PCDHGC5: variants seen among roughly 807,000 people sequenced by gnomAD.
PCDHGC5 encodes the protein protocadherin gamma-C5.
Under a neutral mutation model 59.0 loss-of-function variants are expected in PCDHGC5, and 25 were observed. The observed-to-expected ratio is 0.42, with a 90% CI of 0.31 to 0.59. The LOEUF (loss-of-function observed/expected upper bound fraction) is 0.59, where lower values mean the gene tolerates loss of function less well. PCDHGC5 is among the 20% of genes least tolerant of loss of function. The pLI, the probability that PCDHGC5 is intolerant of heterozygous loss-of-function variation, is 0.13. For missense variants in PCDHGC5, 1,067 were observed against 1,206.4 expected (o/e 0.88, Z 1.71); for synonymous variants, 434 against 505.5 (o/e 0.86, Z 1.90).
chr5:141,501,326 CA>C (rs1562200763), intron 2 of PCDHGC5, among the ~76,000 whole-genome samples: 18 of 151,784 alleles, frequency 1.2e-4, no homozygotes, highest in African/African-American at 1.9e-4. Flanking sequence ...CACACACACA[CA>C]CACACACCCC....
chr5:141,505,590 A>G, intron 3 of PCDHGC5, 109 bp downstream of exon 3: 1 of 1,571,996 alleles, frequency 6.4e-7, no homozygotes, highest in East Asian at 2.3e-5. Context: ...TAGTTTCTCC[A>G]GATCTTTCGG....
At chr5:141,498,581 C>A (rs1281809549) in intron 2 of PCDHGC5, among the ~76,000 whole-genome samples, 1 of 152,104 alleles carries the variant, frequency 6.6e-6, no homozygotes, top group East Asian at 1.9e-4. Flanking sequence ...GTATTGAGTT[C>A]TTCAGTAAAC....
rs77983663 is a variant in PCDHGC5, at chr5:141,504,853, C to T, written c.2520-540C>T. 2.8e-4 allele frequency among the ~76,000 whole-genome samples: 42 copies of T among 152,214 alleles called. No homozygotes were observed. In the East Asian group the frequency reaches 7.7e-3, roughly 28 times the overall value. On this transcript the variant is annotated intron_variant, in intron 2 of 3. Transcript: ENST00000252087. ...TTCTCTAGCTCTGGAACATTCTCTT[C>T]CATTTCCCACCTTCACAGTCCTCTG... is the stretch of plus-strand genomic sequence containing the variant.
rs1175280816 is a variant in PCDHGC5 at position 141,511,121 on chromosome 5, C to T, written c.2783C>T (p.Pro928Leu). 2 of 1,614,102 alleles carry T rather than the reference C, an allele frequency of 1.2e-6. No homozygotes were observed. Among genetic ancestry groups the T allele is most frequent in the African/African-American group, 1.3e-5 (1 of 74,938 alleles). Residue 928 changes from proline (P) to leucine (L), a missense_variant, in exon 4 of 4, where the codon CCA becomes CTA. Transcript: ENST00000252087. ...GCTGGCAAGCGGGATGGCAAGGCCCCAGCAGGTGGCAATGGCAACAAGAAG... is the reference window on the plus strand; with the variant it reads ...GCTGGCAAGCGGGATGGCAAGGCCCTAGCAGGTGGCAATGGCAACAAGAAG... ...NAAGKRDGKA[P>L]AGGNGNKKKS...
intron 3 of PCDHGC5, among the ~76,000 whole-genome samples, chr5:141,506,866 T>C (rs1182560001): frequency 2.6e-5 from 4 of 152,104 alleles, no homozygotes; most frequent in Admixed American, 2.6e-4. Context: ...GACTGGTGGG[T>C]AGAGAACCAG....
At position 141,491,856 on chromosome 5, in the gene PCDHGC5, C is replaced by T; in HGVS notation, c.2460+156C>T. 1.4e-6 allele frequency: 2 copies of T among 1,458,728 alleles called. No individual in the cohort carries two copies. Among genetic ancestry groups the T allele is most frequent in the Non-Finnish European group, 1.8e-6 (2 of 1,103,072 alleles). 90.4% of individuals were successfully genotyped at this position (1,458,728 alleles called of 1,614,324 possible). A position where few individuals can be genotyped will look rare whatever the true frequency, so the allele number is the denominator to read the frequency against. ...TCTCGGGATCATTGGACCGTTTGCG[C>T]GAAACCAGAGTGGCCGATTAAGGGA... On this transcript the variant is annotated intron_variant, in intron 1 of 3. Coordinates refer to ENST00000252087, the MANE Select transcript of PCDHGC5 (RefSeq NM_018929.3). The surrounding 1 kb of genome is among the most constrained non-coding windows in gnomAD (Gnocchi z 6.9).
chr5:141,501,125 C>A (rs2099805699), intron 2 of PCDHGC5, among the ~76,000 whole-genome samples: 1 of 152,140 alleles, frequency 6.6e-6, no homozygotes, highest in South Asian at 2.1e-4. Context: ...CCTCAGCCTC[C>A]CTAAGTGCTG....
chr5:141,495,034 A>C (rs986393420), intron 2 of PCDHGC5, 169 bp downstream of exon 2: 1 of 962,702 alleles, frequency 1.0e-6, no homozygotes, highest in Non-Finnish European at 1.2e-6. Context: ...CCCCGGAAGG[A>C]AGAGGCGACT....
chr5:141,492,111 C>T (rs2154587044), intron 1 of PCDHGC5, among the ~76,000 whole-genome samples: 1 of 152,320 alleles, frequency 6.6e-6, no homozygotes, highest in South Asian at 2.1e-4. Context: ...ATTTCCTCTT[C>T]GATTTCTCCC....
chr5:141,506,434 C>A lies in PCDHGC5; in HGVS notation c.2608+953C>A, dbSNP rs139627189. Among the ~76,000 whole-genome samples the A allele has an allele frequency of 8.5e-4, 112 of 131,752 alleles. 2 individuals are homozygous for A. The highest frequency in any genetic ancestry group is 3.3e-3 in the African/African-American group (107 of 32,408). 86.4% of individuals were successfully genotyped at this position (131,752 alleles called of 152,430 possible). ...TGCACTCCAGCCTGGGCAACAGTCT[C>A]GCTCTGTCTCAAAAAAAAAAAAAAA... On this transcript the variant is annotated intron_variant, in intron 3 of 3. Transcript: ENST00000252087.
chr5:141,492,870 C>G (rs2099744684), intron 1 of PCDHGC5, among the ~76,000 whole-genome samples: 1 of 152,192 alleles, frequency 6.6e-6, no homozygotes, highest in African/African-American at 2.4e-5. Flanking sequence ...TGGCTCTCAA[C>G]CCCCAGAGAT....
chr5:141,489,165 G>T lies in PCDHGC5; in HGVS notation c.-76G>T. ...GAAGGAGACATAAGAGACTTCAGCT[G>T]CTGCATTCCAAGCCCTGGGTCTACC... On this transcript the variant is annotated 5_prime_UTR_variant, in exon 1 of 4. Coordinates refer to ENST00000252087, the MANE Select transcript of PCDHGC5 (RefSeq NM_018929.3). This position sits in a 1 kb window ranked among gnomAD's most constrained non-coding sequence, Gnocchi z 4.5. 9.2e-7 allele frequency: 1 copy of T among 1,082,084 alleles called. No homozygotes were observed. Among genetic ancestry groups the T allele is most frequent in the Non-Finnish European group, 1.3e-6 (1 of 745,856 alleles). 67.0% of individuals were successfully genotyped at this position (1,082,084 alleles called of 1,614,324 possible).
At chr5:141,504,147 T>C (rs2099836026) in intron 2 of PCDHGC5, among the ~76,000 whole-genome samples, 1 of 152,198 alleles carries the variant, frequency 6.6e-6, no homozygotes, top group South Asian at 2.1e-4. Flanking sequence ...CCCCTGCAAA[T>C]TGAAATAATT....
In PCDHGC5 at chr5:141,494,860, C is replaced by T. The variant is rs372794752; in HGVS notation, c.2514C>T (p.Thr838=). Residue 838 remains threonine, a synonymous_variant, in exon 2 of 4, where the codon ACC becomes ACT. Coordinates refer to ENST00000252087, the MANE Select transcript of PCDHGC5 (RefSeq NM_018929.3). ...TCTCTCAGGCCCAGAGACCCGGCAC[C>T]AGCGGGTAGGTGACTGATTCTCCAG... ...WRFSQAQRPG[T]SGSQNGDDTG... 5.6e-6 allele frequency: 9 copies of T among 1,614,032 alleles called. No homozygotes were observed. Among genetic ancestry groups the T allele is most frequent in the Non-Finnish European group, 7.6e-6 (9 of 1,180,024 alleles).
In PCDHGC5 at chr5:141,490,679, A is replaced by C; in HGVS notation, c.1439A>C (p.Asp480Ala). Residue 480 changes from aspartate (D) to alanine (A), a missense_variant, in exon 1 of 4, where the codon GAT (aspartate) becomes GCT (alanine). Physicochemically the swap from Asp to Ala is moderately radical, Grantham distance 126. Coordinates refer to ENST00000252087, the MANE Select transcript of PCDHGC5 (RefSeq NM_018929.3). The surrounding 1 kb of genome is among the most constrained non-coding windows in gnomAD (Gnocchi z 5.4). ...CTTCTTTGCACTGTGGCTGCCTCAG[A>C]TCCAGACACTGGGGATAATGCCCGC... ...GSLLCTVAAS[D>A]PDTGDNARLT... 6.2e-7 allele frequency: 1 copy of C among 1,614,164 alleles called. No individual in the cohort carries two copies. The highest frequency in any genetic ancestry group is 8.5e-7 in the Non-Finnish European group (1 of 1,180,034).
chr5:141,496,802 A>G (rs1483438160), intron 2 of PCDHGC5, among the ~76,000 whole-genome samples: 1 of 152,050 alleles, frequency 6.6e-6, no homozygotes, highest in Admixed American at 6.6e-5. Flanking sequence ...ACATTGGGCT[A>G]TAGGAGTGAA....
At chr5:141,503,675 T>C (rs1233495836) in intron 2 of PCDHGC5, among the ~76,000 whole-genome samples, 1 of 152,104 alleles carries the variant, frequency 6.6e-6, no homozygotes. Flanking sequence ...CTTCCCACTT[T>C]TGGGAAGGAG....
chr5:141,501,635 T>G (rs553343946), intron 2 of PCDHGC5, among the ~76,000 whole-genome samples: 1 of 152,236 alleles, frequency 6.6e-6, no homozygotes, highest in African/African-American at 2.4e-5. Flanking sequence ...TCTCAACCTC[T>G]CTGAGCCCTG....
intron 3 of PCDHGC5, 94 bp downstream of exon 3, chr5:141,505,575 C>T: frequency 6.3e-7 from 1 of 1,592,302 alleles, no homozygotes. Context: ...GATGTCAAAC[C>T]TGTGTAGTTT....
Sources: gnomAD v4.1 joint callset for allele counts (sites outside exome capture counted in the v4.1 genomes callset) on GRCh38, gnomAD v4.1.1 for gene constraint, Gnocchi (gnomAD v3.1) non-coding constraint, MANE v1.5 for transcripts, NCBI Gene and HGNC (gene_info 2026-07-23, HGNC 2026-07-21) for gene names.